Variants in EPHA6 observed in about 807,000 individuals in gnomAD.
EPHA6 encodes the protein EPH receptor A6.
EPHA6 carries 50 observed loss-of-function variants against 112.0 expected under a neutral mutation model. That is an observed-to-expected ratio of 0.45 (90% CI 0.36 to 0.56). The LOEUF (loss-of-function observed/expected upper bound fraction) is 0.56, where lower values mean the gene tolerates loss of function less well. Ranked by LOEUF, EPHA6 falls within the 20% of genes least tolerant of loss-of-function variation. EPHA6 has a pLI of 0.00. For synonymous variants in EPHA6, 529 were observed against 490.7 expected (o/e 1.08, Z -1.03); for missense variants, 1,280 against 1,417.4 (o/e 0.90, Z 1.56).
At chr3:97,121,582 T>C (rs2048042074) in intron 3 of EPHA6, among the ~76,000 whole-genome samples, 2 of 152,044 alleles carry the variant, frequency 1.3e-5, no homozygotes, top group Non-Finnish European at 2.9e-5. Context: ...ACTTGTCCAC[T>C]TGGCTGGGTG....
At chr3:97,400,438 G>A (rs545414601) in intron 5 of EPHA6, among the ~76,000 whole-genome samples, 4 of 151,516 alleles carry the variant, frequency 2.6e-5, no homozygotes, top group East Asian at 1.9e-4. Context: ...CTGCTTCAGC[G>A]ATTTGTTTTT....
intron 2 of EPHA6, among the ~76,000 whole-genome samples, chr3:96,973,309 A>G (rs192679542): frequency 6.6e-6 from 1 of 152,278 alleles, no homozygotes; most frequent in East Asian, 1.9e-4. Flanking sequence ...TGCACACACT[A>G]TTGGCAATTT....
Position 97,056,129 on chromosome 3 carries a change from A to G in EPHA6, c.1114+68136A>G, listed in dbSNP as rs1371468513. ...AATCGAGATTAATGCTTTACACAGA[A>G]TATTAGAACATGTTATTCATCTTGT... On this transcript the variant is annotated intron_variant, in intron 3 of 17. Coordinates refer to ENST00000389672, the MANE Select transcript of EPHA6 (RefSeq NM_001080448.3). 3.3e-5 allele frequency among the ~76,000 whole-genome samples: 5 copies of G among 152,194 alleles called. No individual in the cohort carries two copies. The East Asian group carries it at 9.6e-4, about 29-fold the overall frequency.
intron 2 of EPHA6, among the ~76,000 whole-genome samples, chr3:96,869,856 ATTTTAT>A (rs1397614626): frequency 2.6e-5 from 4 of 152,052 alleles, no homozygotes; most frequent in African/African-American, 9.7e-5. Context: ...GTTACATCAC[ATTTTAT>A]TTTAATGGCA....
chr3:97,137,829 GTACT>G (rs1232679926), intron 3 of EPHA6, among the ~76,000 whole-genome samples: 1 of 151,812 alleles, frequency 6.6e-6, no homozygotes, highest in African/African-American at 2.4e-5. Context: ...ATGTACCCTA[GTACT>G]TAAAGTATAA....
intron 3 of EPHA6, among the ~76,000 whole-genome samples, chr3:97,202,004 A>G (rs987185366): frequency 3.3e-5 from 5 of 152,116 alleles, no homozygotes; most frequent in Admixed American, 3.3e-4. Flanking sequence ...AAACATGCTG[A>G]TGATGCTGTT....
rs1049097361 is a variant in EPHA6, at chr3:97,736,044, T to C, written c.3054T>C (p.Thr1018=). Residue 1018 remains threonine (T), a synonymous_variant, in exon 16 of 18, where the codon ACT becomes ACC. Transcript: ENST00000389672. The stretch of plus-strand genomic sequence containing the variant: ...AGAGAAATCACAGACCAAAATTTAC[T>C]GACATTGTCAGCTTCCTTGACAAAC... The part of the protein sequence containing the change: ...QKERNHRPKF[T]DIVSFLDKLI... The C allele has an allele frequency of 7.4e-6, 12 of 1,612,648 alleles. No homozygotes were observed. Among genetic ancestry groups the C allele is most frequent in the Non-Finnish European group, 9.3e-6 (11 of 1,179,208 alleles).
At chr3:97,180,347 G>C (rs1208647240) in intron 3 of EPHA6, among the ~76,000 whole-genome samples, 1 of 152,048 alleles carries the variant, frequency 6.6e-6, no homozygotes, top group Non-Finnish European at 1.5e-5. Context: ...CTGGAATATG[G>C]AGCCCCAGGA....
At chr3:97,042,230 A>G (rs767253317) in intron 3 of EPHA6, among the ~76,000 whole-genome samples, 1 of 151,962 alleles carries the variant, frequency 6.6e-6, no homozygotes, top group Non-Finnish European at 1.5e-5. Context: ...GATAGTTCTT[A>G]GGAGATCTGG....
At chr3:97,443,733 T>G (rs1418707947) in intron 6 of EPHA6, among the ~76,000 whole-genome samples, 2 of 152,192 alleles carry the variant, frequency 1.3e-5, no homozygotes, top group Admixed American at 1.3e-4. Context: ...GTGTTGAGAA[T>G]TTTTTCTTCC....
Position 97,181,611 on chromosome 3 carries a change from G to A in EPHA6, c.1115-44653G>A, listed in dbSNP as rs147227105. Among the ~76,000 whole-genome samples the A allele has an allele frequency of 1.4e-3, 218 of 152,048 alleles. 2 individuals are homozygous for A. In the East Asian group the frequency reaches 0.037, roughly 26 times the overall value. ...TGTGTGTGTGTGTATATATGTGTGT[G>A]TGTGTATATATATGTATAAAACTTT... is the stretch of plus-strand genomic sequence containing the variant. On this transcript the variant is annotated intron_variant, in intron 3 of 17. Transcript: ENST00000389672.
chr3:97,201,482 C>A (rs2077575449), intron 3 of EPHA6, among the ~76,000 whole-genome samples: 1 of 151,998 alleles, frequency 6.6e-6, no homozygotes, highest in Admixed American at 6.6e-5. Flanking sequence ...TGCTTTTATC[C>A]TGTAAGCAAT....
chr3:97,170,665 A>G (rs969261128), intron 3 of EPHA6, among the ~76,000 whole-genome samples: 2 of 152,128 alleles, frequency 1.3e-5, no homozygotes, highest in Admixed American at 1.3e-4. Context: ...TGAGCCCAGG[A>G]GGCTGAGATT....
chr3:97,661,951 C>T (rs1481371734), intron 14 of EPHA6, among the ~76,000 whole-genome samples: 1 of 151,894 alleles, frequency 6.6e-6, no homozygotes, highest in Non-Finnish European at 1.5e-5. Flanking sequence ...AAGTGCTTCA[C>T]TGTCTTGGTG....
chr3:97,401,518 T>G (rs1348570380), intron 5 of EPHA6, among the ~76,000 whole-genome samples: 1 of 151,854 alleles, frequency 6.6e-6, no homozygotes, highest in Non-Finnish European at 1.5e-5. Flanking sequence ...TGGTATCAGT[T>G]ATAATGTCTT....
At chr3:97,591,623 C>T (rs1445673020) in intron 11 of EPHA6, among the ~76,000 whole-genome samples, 2 of 152,072 alleles carry the variant, frequency 1.3e-5, no homozygotes, top group East Asian at 1.9e-4. Flanking sequence ...TATCAGTTAC[C>T]AGTGATGCCC....
intron 5 of EPHA6, among the ~76,000 whole-genome samples, chr3:97,370,979 T>C (rs1050993425): frequency 2.6e-5 from 4 of 152,072 alleles, no homozygotes; most frequent in African/African-American, 9.7e-5. Flanking sequence ...TTCTCTTGAG[T>C]ACTTGTTGAT....
intron 15 of EPHA6, among the ~76,000 whole-genome samples, chr3:97,731,443 G>A (rs975866330): frequency 2.6e-5 from 4 of 152,028 alleles, no homozygotes; most frequent in Admixed American, 1.3e-4. Context: ...GTGAAAGCAC[G>A]GAGTATATAA....
rs562224884 is a variant in EPHA6, at chr3:97,192,094, A to C, written c.1115-34170A>C. On this transcript the variant is annotated intron_variant, in intron 3 of 17. Coordinates refer to ENST00000389672, the MANE Select transcript of EPHA6 (RefSeq NM_001080448.3). Reference sequence around the variant, plus strand: ...TCTGTGATAATCAATGATGTTGAACACCATTTTATATAACTATTTGCCACT... The same window carrying C: ...TCTGTGATAATCAATGATGTTGAACCCCATTTTATATAACTATTTGCCACT... 5.3e-5 allele frequency among the ~76,000 whole-genome samples: 8 copies of C among 152,076 alleles called. No individual in the cohort carries two copies. In the South Asian group the frequency reaches 1.7e-3, roughly 32 times the overall value.
Sources: gnomAD v4.1 joint callset for allele counts (sites outside exome capture counted in the v4.1 genomes callset) on GRCh38, gnomAD v4.1.1 for gene constraint, MANE v1.5 for transcripts, NCBI Gene and HGNC (gene_info 2026-07-23, HGNC 2026-07-21) for gene names.